The following ITGAE variants were observed in gnomAD, a reference collection of about 807,000 sequenced individuals.
ITGAE encodes the protein integrin subunit alpha E.
ITGAE carries 99 observed loss-of-function variants against 136.5 expected under a neutral mutation model. That is an observed-to-expected ratio of 0.73 (90% CI 0.62 to 0.86). ITGAE has a LOEUF of 0.86. ITGAE is among the 40% of genes least tolerant of loss of function. The pLI is 0.00. For missense variants in ITGAE, 1,447 were observed against 1,515.3 expected (o/e 0.95, Z 0.75); for synonymous variants, 613 against 591.8 (o/e 1.04, Z -0.52).
In ITGAE at chr17:3,753,363, A is replaced by T; in HGVS notation, c.1595T>A (p.Leu532Ter). The change falls in exon 14 of 31, where the codon TTG becomes TAG. Residue 532 changes from leucine (L) to a stop codon, truncating the protein, a stop_gained. Transcript: ENST00000263087. LOFTEE classifies it high-confidence loss of function. ...GTGGTAAAATGGAGCAGCCACCAGC[A>T]AGAAGTCCGTGCTTCCATCCATGTC... is the stretch of plus-strand genomic sequence containing the variant. ...DIDMDGSTDF[L>*]LVAAPFYHVH... 1 of 1,614,182 alleles carries T rather than the reference A, an allele frequency of 6.2e-7. No homozygotes were observed. The highest frequency in any genetic ancestry group is 8.5e-7 in the Non-Finnish European group (1 of 1,180,028).
chr17:3,785,197 G>A (rs1299623203), intron 1 of ITGAE, among the ~76,000 whole-genome samples: 1 of 151,880 alleles, frequency 6.6e-6, no homozygotes, highest in African/African-American at 2.4e-5. Flanking sequence ...GGCCGGACAT[G>A]GTGGCTCATG....
Position 3,731,126 on chromosome 17 carries a change from C to G in ITGAE, c.2812G>C (p.Asp938His). The G allele has an allele frequency of 1.2e-6, 2 of 1,613,616 alleles. No individual in the cohort carries two copies. Among genetic ancestry groups the G allele is most frequent in the Non-Finnish European group, 1.7e-6 (2 of 1,179,662 alleles). ...EENAFPNRTADITVTVTNSNE... is the reference protein window; with the variant it reads ...EENAFPNRTAHITVTVTNSNE... ...TACTTGGTGACAGTCACAGTGATGT[C>G]TGCTGTCCTGTTTGGAAAGGCATTC... is the stretch of plus-strand genomic sequence containing the variant. The change falls in exon 23 of 31, where the codon GAC (aspartate) becomes CAC (histidine). Residue 938 changes from aspartate (D) to histidine (H), a missense_variant. Asp to His is a moderately conservative substitution (Grantham distance 81). This residue lies in a region of ITGAE where 1,031 missense variants were observed against 1,011.4 expected (regional missense o/e 1.02). Transcript: ENST00000263087.
At chr17:3,754,953 G>GC (rs2051970537) in intron 12 of ITGAE, among the ~76,000 whole-genome samples, 164 bp downstream of exon 12, 1 of 123,652 alleles carries the variant, frequency 8.1e-6, no homozygotes, top group African/African-American at 3.2e-5. Context: ...CGCCCAGGTA[G>GC]CCTCCAGGCC....
chr17:3,772,225 T>C (rs960022649), intron 2 of ITGAE, among the ~76,000 whole-genome samples: 1 of 152,088 alleles, frequency 6.6e-6, no homozygotes, highest in South Asian at 2.1e-4. Context: ...CGCCCCCCCG[T>C]ACCTCGGACG....
At chr17:3,724,510 C>A in intron 26 of ITGAE, 1 of 1,614,068 alleles carries the variant, frequency 6.2e-7, no homozygotes, top group Non-Finnish European at 8.5e-7. Context: ...ATCGGCACCT[C>A]CGCCTGTCTG....
chr17:3,774,485 C>G (rs1486558506), intron 2 of ITGAE, among the ~76,000 whole-genome samples: 1 of 152,174 alleles, frequency 6.6e-6, no homozygotes, highest in Admixed American at 6.6e-5. Context: ...ATTTTGGGGC[C>G]AGGTGCGGTG....
Position 3,789,329 on chromosome 17 carries a change from G to A in ITGAE, c.35-11669C>T, listed in dbSNP as rs550823907. 3.4e-5 allele frequency among the ~76,000 whole-genome samples: 5 copies of A among 149,010 alleles called. No homozygotes were observed. The South Asian group carries it at 1.0e-3, about 31-fold the overall frequency. On this transcript the variant is annotated intron_variant, in intron 1 of 30. Transcript: ENST00000263087. ...CTTTACTCTGAAAACTGACTGTTAGGAAAAGTATTAAGCATTTTTCTTGCC... is the reference window on the plus strand; with the variant it reads ...CTTTACTCTGAAAACTGACTGTTAGAAAAAGTATTAAGCATTTTTCTTGCC...
intron 11 of ITGAE, 79 bp downstream of exon 11, chr17:3,755,751 G>T: frequency 1.6e-6 from 2 of 1,224,972 alleles, no homozygotes; most frequent in Non-Finnish European, 2.3e-6. Flanking sequence ...CTGGATGGGA[G>T]GCAGGAGTCC....
At position 3,715,081 on chromosome 17, in the gene ITGAE, T is replaced by C. The variant is rs145129663; in HGVS notation, c.3445-139A>G. The C allele has an allele frequency of 8.7e-4, 537 of 614,106 alleles. 5 individuals carry two copies. Among genetic ancestry groups the C allele is most frequent in the African/African-American group, 8.6e-3 (464 of 54,256 alleles). 38.0% of individuals were successfully genotyped at this position (614,106 alleles called of 1,614,324 possible). A position where few individuals can be genotyped will look rare whatever the true frequency, so the allele number is the denominator to read the frequency against. On this transcript the variant is annotated intron_variant, in intron 30 of 30. Transcript: ENST00000263087. ...TTACTACTCCCTTCTCCTAACTTAC[T>C]CTGAATCTCTCCTGGAGAGTCCAAT...
rs1158061429 is a variant in ITGAE at position 3,723,274 on chromosome 17, TCA to T, written c.3237+12_3237+13del. The T allele has an allele frequency of 6.4e-7, 1 of 1,557,148 alleles. No homozygotes were observed. The highest frequency in any genetic ancestry group is 8.9e-7 in the Non-Finnish European group (1 of 1,128,362). ...ACTGGATAATCAAATCTGGAGCATT[TCA>T]GTCTCAAACACCTCCTCAGAGTGAT... is the stretch of plus-strand genomic sequence containing the variant. On this transcript the variant is annotated intron_variant, in intron 28 of 30. Transcript: ENST00000263087.
At chr17:3,775,843 T>C (rs1051618472) in intron 2 of ITGAE, among the ~76,000 whole-genome samples, 2 of 152,048 alleles carry the variant, frequency 1.3e-5, no homozygotes, top group Non-Finnish European at 2.9e-5. Flanking sequence ...AGAGGCCACG[T>C]GCATCCTCAG....
chr17:3,755,126 T>C lies in ITGAE; in HGVS notation c.1375A>G (p.Ser459Gly). The change falls in exon 12 of 31, where the codon AGC becomes GGC. Residue 459 changes from serine to glycine, a missense_variant. By Grantham distance (56) the Ser-to-Gly change is moderately conservative. Transcript: ENST00000263087. ...GTGGCCCCGCCCTCACCCAGGTAGCTGTACTGCGCAGCCTCCGCGTCTGCC... is the reference window on the plus strand; with the variant it reads ...GTGGCCCCGCCCTCACCCAGGTAGCCGTACTGCGCAGCCTCCGCGTCTGCC... ...AAADAEAAQY[S>G]YLGYAVAVLH... 1 of 1,162,462 alleles carries C rather than the reference T, an allele frequency of 8.6e-7. No individual in the cohort carries two copies. The highest frequency in any genetic ancestry group is 1.1e-6 in the Non-Finnish European group (1 of 879,384). 72.0% of individuals were successfully genotyped at this position (1,162,462 alleles called of 1,614,324 possible).
rs780918340 is a variant in ITGAE at position 3,724,016 on chromosome 17, G to A, written c.3085-272C>T. 1.1e-5 allele frequency: 17 copies of A among 1,591,208 alleles called. No homozygotes were observed. In the East Asian group the frequency reaches 3.9e-4, roughly 36 times the overall value. On this transcript the variant is annotated intron_variant, in intron 26 of 30. Transcript: ENST00000263087. ...CGGACGGCAGGAGACAGCGGCGGCC[G>A]GGCCGGGAAGCCGCGCAGTGGTTCC...
chr17:3,721,431 G>A (rs761808495), intron 28 of ITGAE, among the ~76,000 whole-genome samples: 1 of 150,734 alleles, frequency 6.6e-6, no homozygotes, highest in Non-Finnish European at 1.5e-5. Context: ...GCCACCATGC[G>A]TGGCTAATTT....
intron 30 of ITGAE, among the ~76,000 whole-genome samples, chr17:3,715,221 C>T (rs892746925): frequency 2.0e-5 from 3 of 152,186 alleles, no homozygotes; most frequent in Admixed American, 6.5e-5. Flanking sequence ...ATGATAATTT[C>T]GGCTGTACTG....
chr17:3,729,503 G>T lies in ITGAE; in HGVS notation c.2887C>A (p.His963Asn), dbSNP rs2051292740. Residue 963 changes from histidine (H) to asparagine (N), a missense_variant, in exon 24 of 31, where the codon CAT becomes AAT. His to Asn is a moderately conservative substitution (Grantham distance 68, BLOSUM62 1). Coordinates refer to ENST00000263087, the MANE Select transcript of ITGAE (RefSeq NM_002208.5). ...TTGGACAGAACTGCAACGAAGCCAT[G>T]CCTGAATTGAAGGGTGTGGGTCTCG... ...ANETHTLQFR[H>N]GFVAVLSKPS... The T allele has an allele frequency of 6.2e-7, 1 of 1,611,652 alleles. No homozygotes were observed. Among genetic ancestry groups the T allele is most frequent in the South Asian group, 1.1e-5 (1 of 91,024 alleles).
rs77644151 is a variant in ITGAE, at chr17:3,799,007, G to C, written c.34+2104C>G. Among the ~76,000 whole-genome samples the C allele has an allele frequency of 5.0e-3, 769 of 152,292 alleles. 6 individuals carry two copies. The highest frequency in any genetic ancestry group is 0.018 in the African/African-American group (728 of 41,550). ...CACCAGAGTGGCTGGCCTGGAGAGA[G>C]TGGAAGGTCAGGGCCAGGCCAGGCC... On this transcript the variant is annotated intron_variant, in intron 1 of 30. Transcript: ENST00000263087. This position sits in a 1 kb window ranked among gnomAD's most constrained non-coding sequence, Gnocchi z 4.1.
chr17:3,763,310 A>G (rs1249306807), intron 3 of ITGAE, among the ~76,000 whole-genome samples: 1 of 145,026 alleles, frequency 6.9e-6, no homozygotes, highest in Non-Finnish European at 1.5e-5. Context: ...AATCAGGTTC[A>G]TTCATTCATT....
intron 2 of ITGAE, among the ~76,000 whole-genome samples, chr17:3,766,898 G>A (rs548752311): frequency 2.6e-5 from 4 of 151,632 alleles, no homozygotes; most frequent in Non-Finnish European, 4.4e-5. Context: ...TTACAGCGTC[G>A]ATAGGAAACA....
Sources: allele counts gnomAD v4.1 joint callset (sites outside exome capture counted in the v4.1 genomes callset), GRCh38; gene constraint gnomAD v4.1.1; regional missense constraint gnomAD v4.1.1; non-coding constraint Gnocchi (gnomAD v3.1); transcripts MANE v1.5; gene names NCBI Gene and HGNC (gene_info 2026-07-23, HGNC 2026-07-21).